Variants in CNTN3 observed in about 807,000 individuals in gnomAD.
CNTN3 encodes the protein contactin 3.
A neutral mutation model predicts 119.1 loss-of-function variants in CNTN3; 60 were observed. The ratio of observed to expected loss-of-function variants is 0.50; its 90% CI spans 0.41 to 0.62. CNTN3 has a LOEUF of 0.62. CNTN3 is among the 20% of genes least tolerant of loss of function. CNTN3 has a pLI of 0.00. For synonymous variants in CNTN3, 450 were observed against 438.7 expected (o/e 1.03, Z -0.32); for missense variants, 1,101 against 1,242.4 (o/e 0.89, Z 1.71).
At chr3:74,358,018 G>T (rs1412085150) in intron 11 of CNTN3, among the ~76,000 whole-genome samples, 3 of 152,164 alleles carry the variant, frequency 2.0e-5, no homozygotes, top group African/African-American at 4.8e-5. Flanking sequence ...GGCTTTCGTT[G>T]CCAAGTGATG....
chr3:74,329,997 G>A (rs1427897742), intron 13 of CNTN3, among the ~76,000 whole-genome samples: 3 of 152,154 alleles, frequency 2.0e-5, no homozygotes, highest in South Asian at 2.1e-4. Flanking sequence ...ATACAGTTAC[G>A]TGTCACCACA....
intron 4 of CNTN3, among the ~76,000 whole-genome samples, chr3:74,429,651 A>T (rs1178573432): frequency 6.6e-6 from 1 of 152,148 alleles, no homozygotes; most frequent in Non-Finnish European, 1.5e-5. Flanking sequence ...CTGCATCAAC[A>T]TTTAAAACTT....
intron 3 of CNTN3, among the ~76,000 whole-genome samples, chr3:74,493,421 A>G (rs981526820): frequency 2.0e-5 from 3 of 152,174 alleles, no homozygotes; most frequent in African/African-American, 7.2e-5. Flanking sequence ...GTCACACAAG[A>G]TCTGGTCTGG....
chr3:74,552,657 A>C (rs918612957), intron 1 of CNTN3, among the ~76,000 whole-genome samples: 2 of 152,138 alleles, frequency 1.3e-5, no homozygotes, highest in African/African-American at 4.8e-5. Context: ...CTCATCTCAA[A>C]TTGTAATCCC....
chr3:74,581,630 T>C (rs1704510983), intron 1 of CNTN3, among the ~76,000 whole-genome samples: 1 of 152,210 alleles, frequency 6.6e-6, no homozygotes, highest in Non-Finnish European at 1.5e-5. Flanking sequence ...GATTCTAAAA[T>C]GTATGTGGAA....
Position 74,305,228 on chromosome 3 carries a change from T to C in CNTN3, c.1669-2421A>G, listed in dbSNP as rs113217346. ...AAAATCACATGGCATATGCCATGTG[T>C]AGACGACGGCAAAATGAAAGAGACA... On this transcript the variant is annotated intron_variant, in intron 13 of 22. Coordinates refer to ENST00000263665, the MANE Select transcript of CNTN3 (RefSeq NM_020872.3). 8.4e-3 allele frequency among the ~76,000 whole-genome samples: 1,272 copies of C among 152,274 alleles called. 14 individuals are homozygous for C. Among genetic ancestry groups the C allele is most frequent in the African/African-American group, 0.028 (1,164 of 41,546 alleles).
At chr3:74,290,095 TAC>T (rs1326012216) in intron 19 of CNTN3, among the ~76,000 whole-genome samples, 3 of 152,250 alleles carry the variant, frequency 2.0e-5, no homozygotes, top group African/African-American at 7.2e-5. Context: ...TAAATTTATA[TAC>T]AGTTATGTGT....
chr3:74,475,395 T>C (rs574540546), intron 4 of CNTN3, among the ~76,000 whole-genome samples: 8 of 152,172 alleles, frequency 5.3e-5, no homozygotes, highest in Non-Finnish European at 1.0e-4. Flanking sequence ...AATTAGGGCA[T>C]GGAGGATGAC....
At chr3:74,481,019 A>G (rs557145718) in intron 4 of CNTN3, among the ~76,000 whole-genome samples, 1 of 152,080 alleles carries the variant, frequency 6.6e-6, no homozygotes, top group South Asian at 2.1e-4. Flanking sequence ...CAATATTAAT[A>G]TATTACCATA....
intron 4 of CNTN3, among the ~76,000 whole-genome samples, chr3:74,452,564 T>G (rs912789242): frequency 7.6e-6 from 1 of 130,804 alleles, no homozygotes; most frequent in Admixed American, 7.9e-5. Context: ...TGAATAGGAG[T>G]GGTGAGAGAG....
At chr3:74,513,926 G>A (rs150014339) in intron 2 of CNTN3, among the ~76,000 whole-genome samples, 83 of 151,544 alleles carry the variant, frequency 5.5e-4, no homozygotes, top group African/African-American at 1.9e-3. Context: ...AAACACATTG[G>A]GAAGTCTAAT....
intron 8 of CNTN3, among the ~76,000 whole-genome samples, chr3:74,366,166 G>A (rs1015623657): frequency 2.6e-5 from 4 of 151,818 alleles, no homozygotes; most frequent in African/African-American, 9.7e-5. Context: ...CTACAGCCGA[G>A]GAAAAAATAT....
intron 1 of CNTN3, among the ~76,000 whole-genome samples, chr3:74,602,329 A>T (rs71319863): frequency 6.6e-6 from 1 of 151,262 alleles, no homozygotes. Context: ...AAAAGAACAA[A>T]CAAAACTTAG....
At chr3:74,302,848 A>T (rs755539815) in intron 13 of CNTN3, 41 bp from the exon 14 acceptor site, 17 of 1,328,200 alleles carry the variant, frequency 1.3e-5, no homozygotes, top group South Asian at 2.5e-5. Context: ...TTATTTTTTT[A>T]AAAAACACAA....
chr3:74,358,076 G>T (rs184775572), intron 11 of CNTN3, among the ~76,000 whole-genome samples: 4 of 152,144 alleles, frequency 2.6e-5, no homozygotes, highest in Admixed American at 2.6e-4. Context: ...GTTCAAGTCC[G>T]CAACTTGTTC....
intron 4 of CNTN3, among the ~76,000 whole-genome samples, chr3:74,448,170 A>T (rs114349442): frequency 6.6e-6 from 1 of 152,302 alleles, no homozygotes; most frequent in Non-Finnish European, 1.5e-5. Flanking sequence ...TGTCTAGTTG[A>T]GAGCAGGACT....
chr3:74,301,576 T>A (rs1021316505), intron 15 of CNTN3, 29 bp from the exon 16 acceptor site: 1 of 1,612,590 alleles, frequency 6.2e-7, no homozygotes, highest in Non-Finnish European at 8.5e-7. Context: ...GAGGTAAGAG[T>A]CTGCCTGCTT....
chr3:74,311,460 C>T (rs910310591), intron 13 of CNTN3, among the ~76,000 whole-genome samples: 1 of 152,104 alleles, frequency 6.6e-6, no homozygotes, highest in African/African-American at 2.4e-5. Context: ...TTAGAAAACC[C>T]AATCCACCTA....
chr3:74,436,940 G>A (rs1341357624), intron 4 of CNTN3, among the ~76,000 whole-genome samples: 1 of 152,012 alleles, frequency 6.6e-6, no homozygotes, highest in East Asian at 1.9e-4. Context: ...AAAGAAGAAC[G>A]CTTGGCACAT....
Sources: allele counts gnomAD v4.1 joint callset (sites outside exome capture counted in the v4.1 genomes callset), GRCh38; gene constraint gnomAD v4.1.1; transcripts MANE v1.5; gene names NCBI Gene and HGNC (gene_info 2026-07-23, HGNC 2026-07-21).